The following SPMIP7 variants were observed in gnomAD, a reference collection of about 807,000 sequenced individuals.
The protein encoded by SPMIP7 is sperm microtubule inner protein 7, also known as protein SPMIP7.
chr7:50,113,216 G>A, the SPMIP7 span, among the ~76,000 whole-genome samples: 1 of 151,600 alleles, frequency 6.6e-6, no homozygotes, highest in African/African-American at 2.4e-5. Context: ...TTTATTTGCT[G>A]GAAAAAAAAT....
At chr7:50,125,585 G>GGTGTGTGTGT in the SPMIP7 span, among the ~76,000 whole-genome samples, 3 of 140,824 alleles carry the variant, frequency 2.1e-5, no homozygotes, top group African/African-American at 7.9e-5. Flanking sequence ...AAGAAAATAT[G>GGTGTGTGTGT]GTGTGTGTGT....
chr7:50,110,731 AATATT>A, the SPMIP7 span, among the ~76,000 whole-genome samples: 66 of 46,652 alleles, frequency 1.4e-3, no homozygotes, highest in Admixed American at 2.5e-3. Flanking sequence ...TATTATATTA[AATATT>A]ATATATAAAT....
chr7:50,151,494 C>A, the SPMIP7 span: 1 of 1,551,558 alleles, frequency 6.4e-7, no homozygotes, highest in Non-Finnish European at 8.7e-7. Context: ...CATTTCACAG[C>A]CACCCACCCA....
chr7:50,123,143 A>C, the SPMIP7 span, among the ~76,000 whole-genome samples: 1 of 128,884 alleles, frequency 7.8e-6, no homozygotes, highest in Non-Finnish European at 1.6e-5. Context: ...CACTATTCAC[A>C]ATAGCAAAGA....
chr7:50,104,585 A>G, the SPMIP7 span, among the ~76,000 whole-genome samples: 27 of 152,248 alleles, frequency 1.8e-4, no homozygotes, highest in African/African-American at 6.3e-4. Flanking sequence ...CTTGCAATCA[A>G]TGTCTATTAT....
At chr7:50,155,741 C>T in the SPMIP7 span, among the ~76,000 whole-genome samples, 1 of 55,740 alleles carries the variant, frequency 1.8e-5, no homozygotes, top group Non-Finnish European at 4.0e-5. Flanking sequence ...CAGACTTTCA[C>T]ATCCAGATTC....
At chr7:50,119,475 G>T in the SPMIP7 span, among the ~76,000 whole-genome samples, 2 of 152,072 alleles carry the variant, frequency 1.3e-5, no homozygotes, top group Non-Finnish European at 2.9e-5. Context: ...GTAATTTGTG[G>T]ATGGCTTTAG....
chr7:50,138,967 T>G, the SPMIP7 span, among the ~76,000 whole-genome samples: 1 of 152,088 alleles, frequency 6.6e-6, no homozygotes, highest in African/African-American at 2.4e-5. Context: ...TAAAGTATGG[T>G]TTTGCCAAAT....
chr7:50,115,066 G>A, the SPMIP7 span, among the ~76,000 whole-genome samples: 6 of 150,920 alleles, frequency 4.0e-5, no homozygotes, highest in African/African-American at 9.7e-5. Context: ...CTACTTATAC[G>A]CTGACCACAA....
chr7:50,123,618 T>C, the SPMIP7 span, among the ~76,000 whole-genome samples: 1 of 151,118 alleles, frequency 6.6e-6, no homozygotes, highest in African/African-American at 2.4e-5. Flanking sequence ...GAAATGTTTG[T>C]ACACGTTATG....
chr7:50,108,501 A>G, the SPMIP7 span, among the ~76,000 whole-genome samples: 1 of 152,210 alleles, frequency 6.6e-6, no homozygotes, highest in South Asian at 2.1e-4. Context: ...CACCAAGATA[A>G]TAGTCAACAA....
chr7:50,108,997 A>C, the SPMIP7 span, among the ~76,000 whole-genome samples: 1 of 152,150 alleles, frequency 6.6e-6, no homozygotes, highest in Non-Finnish European at 1.5e-5. Flanking sequence ...AATTTTAGGA[A>C]ACTTACATAA....
At chr7:50,151,111 G>T in the SPMIP7 span, among the ~76,000 whole-genome samples, 6 of 152,236 alleles carry the variant, frequency 3.9e-5, no homozygotes, top group Non-Finnish European at 7.3e-5. Flanking sequence ...CTGCCACTCT[G>T]TCAAGACCTG....
At chr7:50,109,898 A>C in the SPMIP7 span, among the ~76,000 whole-genome samples, 1 of 152,184 alleles carries the variant, frequency 6.6e-6, no homozygotes, top group Non-Finnish European at 1.5e-5. Context: ...TAATTTGAAT[A>C]ATGTTCATTT....
At chr7:50,123,424 G>A in the SPMIP7 span, among the ~76,000 whole-genome samples, 1 of 116,068 alleles carries the variant, frequency 8.6e-6, no homozygotes, top group Non-Finnish European at 1.8e-5. Context: ...TTGTGGGGTG[G>A]GGGAAGGGGG....
the SPMIP7 span, among the ~76,000 whole-genome samples, chr7:50,123,502 T>G: frequency 1.3e-5 from 2 of 150,324 alleles, no homozygotes; most frequent in African/African-American, 4.9e-5. Flanking sequence ...CACCAGCATG[T>G]CACATGTATA....
the SPMIP7 span, chr7:50,140,014 C>T: frequency 1.5e-6 from 1 of 659,098 alleles, no homozygotes; most frequent in East Asian, 3.3e-5. Context: ...AATCACAAAC[C>T]TTTAAAGGAC....
chr7:50,141,244 C>G, the SPMIP7 span: 3 of 1,302,306 alleles, frequency 2.3e-6, no homozygotes, highest in African/African-American at 2.9e-5. Flanking sequence ...GTTTCTTATA[C>G]AGAAATATAT....
At chr7:50,125,115 T>TATACACAC in the SPMIP7 span, among the ~76,000 whole-genome samples, 7 of 25,416 alleles carry the variant, frequency 2.8e-4, 1 homozygote, top group African/African-American at 1.4e-3. Flanking sequence ...TATATATATA[T>TATACACAC]ACACACACAC....
Sources: allele counts gnomAD v4.1 joint callset (sites outside exome capture counted in the v4.1 genomes callset), GRCh38; gene constraint gnomAD v4.1.1; transcripts MANE v1.5; gene names NCBI Gene and HGNC (gene_info 2026-07-23, HGNC 2026-07-21).